The following SLC38A4 variants were observed in gnomAD, a reference collection of about 807,000 sequenced individuals.
SLC38A4 encodes the protein solute carrier family 38 member 4, also known as sodium-coupled neutral amino acid transporter 4.
SLC38A4 carries 20 observed loss-of-function variants against 63.1 expected under a neutral mutation model. That is an observed-to-expected ratio of 0.32 (90% CI 0.22 to 0.46). The LOEUF is 0.46. Ranked by LOEUF, SLC38A4 falls within the 20% of genes least tolerant of loss-of-function variation. The pLI, the probability that SLC38A4 is intolerant of heterozygous loss-of-function variation, is 1.00. For missense variants in SLC38A4, 526 were observed against 663.6 expected (o/e 0.79, Z 2.28); for synonymous variants, 230 against 225.5 (o/e 1.02, Z -0.18).
upstream of SLC38A4, among the ~76,000 whole-genome samples, chr12:46,828,566 A>G (rs991688142): frequency 8.6e-5 from 13 of 151,778 alleles, no homozygotes; most frequent in Non-Finnish European, 1.5e-5. Flanking sequence ...CAGGTGATCC[A>G]CTCTCCTCAG....
At chr12:46,797,921 C>G (rs1164895521) in intron 2 of SLC38A4, among the ~76,000 whole-genome samples, 1 of 152,022 alleles carries the variant, frequency 6.6e-6, no homozygotes, top group Non-Finnish European at 1.5e-5. Context: ...AGCATAAGAG[C>G]CTTCTATTAT....
intron 1 of SLC38A4, 142 bp downstream of exon 1, chr12:46,825,761 C>T (rs1241018561): frequency 5.3e-5 from 8 of 152,274 alleles, no homozygotes; most frequent in African/African-American, 1.9e-4. Context: ...CTGCCACAGC[C>T]TCTCTTCTTA....
Position 46,771,858 on chromosome 12 carries a change from A to G in SLC38A4, c.1300-2430T>C, listed in dbSNP as rs1487643997. On this transcript the variant is annotated intron_variant, in intron 14 of 16. Coordinates refer to ENST00000266579, the MANE Select transcript of SLC38A4 (RefSeq NM_018018.5). ...GCCTCATCTGCTCTTCCACTTAGCT[A>G]TGTGCCTTTTTCTTTACTGACACAA... Among the ~76,000 whole-genome samples, 8 of 152,164 alleles carry G rather than the reference A, an allele frequency of 5.3e-5. No individual in the cohort carries two copies. The East Asian group carries it at 1.6e-3, about 30-fold the overall frequency.
intron 1 of SLC38A4, among the ~76,000 whole-genome samples, chr12:46,813,114 G>A (rs546801069): frequency 9.9e-5 from 15 of 151,800 alleles, no homozygotes; most frequent in African/African-American, 3.1e-4. Context: ...CCTCACATTG[G>A]CCCTGTTTTA....
At chr12:46,785,253 A>G (rs1441811342) in intron 5 of SLC38A4, 76 bp from the exon 6 acceptor site, 1 of 1,156,576 alleles carries the variant, frequency 8.6e-7, no homozygotes, top group Non-Finnish European at 1.3e-6. Flanking sequence ...GTTACAATAA[A>G]GGATCACATT....
chr12:46,820,078 C>T (rs1020670007), intron 1 of SLC38A4, among the ~76,000 whole-genome samples: 2 of 151,844 alleles, frequency 1.3e-5, no homozygotes, highest in Non-Finnish European at 1.5e-5. Context: ...ATGTATACAA[C>T]GATGAGATTG....
rs1476316545 is a variant in SLC38A4, at chr12:46,775,239, A to G, written c.1175-66T>C. On this transcript the variant is annotated intron_variant, in intron 13 of 16. Transcript: ENST00000266579. ...AAATCAGCACAGGTCACTTATGGCA[A>G]CATTTTATAGAGAGAACACAGAACA... 11 of 1,558,072 alleles carry G rather than the reference A, an allele frequency of 7.1e-6. No homozygotes were observed. The Admixed American group carries it at 2.0e-4, about 29-fold the overall frequency.
chr12:46,822,817 C>A (rs1049283180), intron 1 of SLC38A4, among the ~76,000 whole-genome samples: 6 of 151,984 alleles, frequency 3.9e-5, no homozygotes, highest in Admixed American at 3.3e-4. Context: ...ATCTTGACTA[C>A]CAGATTAAGA....
In SLC38A4 at chr12:46,778,650, C is replaced by G; in HGVS notation, c.844G>C (p.Asp282His). The G allele has an allele frequency of 6.2e-7, 1 of 1,613,064 alleles. No individual in the cohort carries two copies. The highest frequency in any genetic ancestry group is 1.3e-5 in the African/African-American group (1 of 74,948). Residue 282 changes from aspartate to histidine, a missense_variant, in exon 11 of 17, where the codon GAT (aspartate) becomes CAT (histidine). Transcript: ENST00000266579. ...VMLPNNSESSDVNFMMDYTHR... is the reference protein window; with the variant it reads ...VMLPNNSESSHVNFMMDYTHR... ...GTGTAATCCATCATGAAGTTCACAT[C>G]AGAACTCTCAGAGTTGTTGGGTAAC...
At chr12:46,811,030 G>T (rs79575479) in intron 1 of SLC38A4, among the ~76,000 whole-genome samples, 1,937 of 152,008 alleles carry the variant, frequency 0.013, 26 homozygotes, top group East Asian at 0.064. Flanking sequence ...TCAAAATATT[G>T]TTGAGAAAAA....
chr12:46,799,389 G>A (rs1003053385), intron 2 of SLC38A4, among the ~76,000 whole-genome samples: 3 of 152,076 alleles, frequency 2.0e-5, no homozygotes, highest in Admixed American at 6.6e-5. Context: ...ATCTCCTGAG[G>A]TCAGGAGTTT....
intron 7 of SLC38A4, among the ~76,000 whole-genome samples, chr12:46,781,501 C>T (rs925451671): frequency 6.6e-6 from 1 of 151,954 alleles, no homozygotes; most frequent in Non-Finnish European, 1.5e-5. Flanking sequence ...CAGAATGATC[C>T]AGACATTAAT....
chr12:46,782,481 T>G (rs571501783), intron 7 of SLC38A4, among the ~76,000 whole-genome samples: 5 of 152,024 alleles, frequency 3.3e-5, no homozygotes, highest in Non-Finnish European at 7.4e-5. Context: ...ACTAACAATA[T>G]TCAATGTATT....
At chr12:46,823,701 G>A (rs929371847) in intron 1 of SLC38A4, among the ~76,000 whole-genome samples, 1 of 152,208 alleles carries the variant, frequency 6.6e-6, no homozygotes, top group African/African-American at 2.4e-5. Context: ...ACCTCAACGG[G>A]ATATTTACAA....
chr12:46,817,728 T>A (rs905042666), intron 1 of SLC38A4, among the ~76,000 whole-genome samples: 1 of 151,872 alleles, frequency 6.6e-6, no homozygotes, highest in African/African-American at 2.4e-5. Context: ...TCTTTTTCTC[T>A]TAATTATTCT....
rs1048378899 is a variant in SLC38A4, at chr12:46,779,726, C to G, written c.658+54G>C. On this transcript the variant is annotated intron_variant, in intron 9 of 16. Transcript: ENST00000266579. ...AATATGGCATCTACAATTAGCTAAC[C>G]TATTTAAATGTGAAATAAAAATAAA... is the stretch of plus-strand genomic sequence containing the variant. 29 of 1,585,046 alleles carry G rather than the reference C, an allele frequency of 1.8e-5. 1 individual carries two copies. Among genetic ancestry groups the G allele is most frequent in the Non-Finnish European group, 4.3e-6 (5 of 1,163,084 alleles).
At chr12:46,805,232 G>A (rs1939207767) in intron 1 of SLC38A4, among the ~76,000 whole-genome samples, 1 of 151,778 alleles carries the variant, frequency 6.6e-6, no homozygotes, top group Non-Finnish European at 1.5e-5. Context: ...AATTAGCATT[G>A]GATAAAAATT....
At position 46,802,076 on chromosome 12, in the gene SLC38A4, A is replaced by T. The variant is rs147441964; in HGVS notation, c.-113+1527T>A. Among the ~76,000 whole-genome samples, 337 of 152,218 alleles carry T rather than the reference A, an allele frequency of 2.2e-3. 1 individual carries two copies. The highest frequency in any genetic ancestry group is 7.2e-3 in the African/African-American group (301 of 41,570). On this transcript the variant is annotated intron_variant, in intron 2 of 16. Transcript: ENST00000266579. ...CTGAAAAGATTACATGCTTGCTAAT[A>T]TAAGAATTAAAGCAGCCATTTGATG...
chr12:46,822,710 G>A (rs1939574796), intron 1 of SLC38A4, among the ~76,000 whole-genome samples: 1 of 152,152 alleles, frequency 6.6e-6, no homozygotes, highest in Non-Finnish European at 1.5e-5. Context: ...TGGATTCCAG[G>A]CAGGGGACAT....
Sources: allele counts gnomAD v4.1 joint callset (sites outside exome capture counted in the v4.1 genomes callset), GRCh38; gene constraint gnomAD v4.1.1; transcripts MANE v1.5; gene names NCBI Gene and HGNC (gene_info 2026-07-23, HGNC 2026-07-21).